The following ZNF704 variants were observed in gnomAD, a reference collection of about 807,000 sequenced individuals.
ZNF704 encodes zinc finger protein 704, also known as glucocorticoid induced gene 1.
ZNF704 carries 10 observed loss-of-function variants against 44.7 expected under a neutral mutation model. The observed-to-expected ratio is 0.22, with a 90% CI of 0.14 to 0.38. The LOEUF is 0.38. ZNF704 is among the 10% of genes least tolerant of loss of function. The pLI, the probability that ZNF704 is intolerant of heterozygous loss-of-function variation, is 1.00. For missense variants in ZNF704, 390 were observed against 545.5 expected, an observed-to-expected ratio of 0.71 and a Z score of 2.84; for synonymous variants, 211 against 207.6, an observed-to-expected ratio of 1.02 and a Z score of -0.14.
chr8:80,727,561 A>G (rs1481159449), intron 2 of ZNF704, among the ~76,000 whole-genome samples: 1 of 151,970 alleles, frequency 6.6e-6, no homozygotes, highest in Non-Finnish European at 1.5e-5. Context: ...TTCATCATGC[A>G]GTGGCTCTTG....
intron 1 of ZNF704, among the ~76,000 whole-genome samples, chr8:80,865,222 T>C (rs1347565123): frequency 6.6e-6 from 1 of 152,184 alleles, no homozygotes; most frequent in Non-Finnish European, 1.5e-5. Context: ...CCATGTCTAA[T>C]TTCAGGAGGT....
chr8:80,670,424 G>A, intron 5 of ZNF704, 79 bp downstream of exon 5: 1 of 999,670 alleles, frequency 1.0e-6, no homozygotes, highest in South Asian at 1.3e-5. Context: ...AAGGCACAGT[G>A]TGGTGTGCAA....
chr8:80,712,602 C>T (rs1819004202), intron 2 of ZNF704, among the ~76,000 whole-genome samples: 1 of 151,934 alleles, frequency 6.6e-6, no homozygotes, highest in Non-Finnish European at 1.5e-5. Context: ...ATGTTTGGAT[C>T]TGTTGATGAT....
At position 80,639,668 on chromosome 8, in the gene ZNF704, A is replaced by C. The variant is rs373118049; in HGVS notation, c.*1698T>G. On this transcript the variant is annotated 3_prime_UTR_variant, in exon 9 of 9. Transcript: ENST00000327835. ...AGTCCCATAATATGTGAATGCACAGATTGTGGATGTTGCACTGTAGAACCT... is the reference window on the plus strand; with the variant it reads ...AGTCCCATAATATGTGAATGCACAGCTTGTGGATGTTGCACTGTAGAACCT... 2.2e-4 allele frequency: 33 copies of C among 152,710 alleles called. No individual in the cohort carries two copies. The highest frequency in any genetic ancestry group is 7.9e-4 in the African/African-American group (33 of 41,582). The allele number at this position is 152,710 out of a possible 1,614,324, so 9.5% of individuals were successfully genotyped here.
At chr8:80,801,829 T>A (rs1309879205) in intron 2 of ZNF704, among the ~76,000 whole-genome samples, 1 of 151,816 alleles carries the variant, frequency 6.6e-6, no homozygotes, top group Admixed American at 6.6e-5. Context: ...AGATCAGAGT[T>A]GAACTGAAGG....
chr8:80,658,366 G>C lies in ZNF704; in HGVS notation c.1032+1219C>G, dbSNP rs563904674. On this transcript the variant is annotated intron_variant, in intron 7 of 8. Coordinates refer to ENST00000327835, the MANE Select transcript of ZNF704 (RefSeq NM_001033723.3). ...CAAAAATGTATCAAGAGCCACTCTGGGTCTTTTTATGTCTACCAAAAAAAA... is the reference window on the plus strand; with the variant it reads ...CAAAAATGTATCAAGAGCCACTCTGCGTCTTTTTATGTCTACCAAAAAAAA... 6.0e-5 allele frequency among the ~76,000 whole-genome samples: 9 copies of C among 150,710 alleles called. No homozygotes were observed. In the East Asian group the frequency reaches 1.7e-3, roughly 29 times the overall value.
intron 7 of ZNF704, among the ~76,000 whole-genome samples, chr8:80,653,719 T>C (rs558960943): frequency 2.6e-4 from 40 of 152,332 alleles, no homozygotes; most frequent in African/African-American, 9.6e-4. Context: ...GAACATTCCA[T>C]GCTCATGGAT....
intron 7 of ZNF704, among the ~76,000 whole-genome samples, chr8:80,652,931 C>G (rs1409094240): frequency 6.6e-6 from 1 of 152,162 alleles, no homozygotes; most frequent in East Asian, 1.9e-4. Flanking sequence ...AAAATACTGG[C>G]AAACCAAATC....
At position 80,798,509 on chromosome 8, in the gene ZNF704, C is replaced by T. The variant is rs549624448; in HGVS notation, c.221+22865G>A. On this transcript the variant is annotated intron_variant, in intron 2 of 8. Coordinates refer to ENST00000327835, the MANE Select transcript of ZNF704 (RefSeq NM_001033723.3). ...ACCTCAGGTGATCTGCCCATCTCGG[C>T]CTCCCAAAGTGCTGGGATTATAGGC... is the stretch of plus-strand genomic sequence containing the variant. Among the ~76,000 whole-genome samples, 4 of 152,292 alleles carry T rather than the reference C, an allele frequency of 2.6e-5. No individual in the cohort carries two copies. In the South Asian group the frequency reaches 8.3e-4, roughly 32 times the overall value.
At chr8:80,848,299 A>C (rs77718925) in intron 1 of ZNF704, among the ~76,000 whole-genome samples, 1,797 of 152,304 alleles carry the variant, frequency 0.012, 31 homozygotes, top group African/African-American at 0.041. Context: ...ATGTGGCGAA[A>C]AGTTCTGTGT....
rs190772621 is a variant in ZNF704 at position 80,800,629 on chromosome 8, C to T, written c.221+20745G>A. Reference sequence around the variant, plus strand: ...CAAATGCTGAGGGAATTCATCACCACCAGGCCTGCCTTGCAAGAGCTTCTG... The same window carrying T: ...CAAATGCTGAGGGAATTCATCACCATCAGGCCTGCCTTGCAAGAGCTTCTG... On this transcript the variant is annotated intron_variant, in intron 2 of 8. Coordinates refer to ENST00000327835, the MANE Select transcript of ZNF704 (RefSeq NM_001033723.3). Among the ~76,000 whole-genome samples the T allele has an allele frequency of 5.0e-4, 76 of 152,222 alleles. No homozygotes were observed. The South Asian group carries it at 0.015, about 30-fold the overall frequency.
At chr8:80,699,704 G>A (rs965250619) in intron 2 of ZNF704, among the ~76,000 whole-genome samples, 3 of 152,138 alleles carry the variant, frequency 2.0e-5, no homozygotes, top group African/African-American at 7.2e-5. Context: ...CTGGCCCATG[G>A]TCCACACTTT....
intron 1 of ZNF704, among the ~76,000 whole-genome samples, chr8:80,860,361 G>C (rs1224235690): frequency 1.3e-5 from 2 of 152,186 alleles, no homozygotes; most frequent in Non-Finnish European, 2.9e-5. Flanking sequence ...GTGCCTGACT[G>C]TGAGTCCAGT....
chr8:80,716,296 C>G (rs1239318944), intron 2 of ZNF704, among the ~76,000 whole-genome samples: 1 of 152,170 alleles, frequency 6.6e-6, no homozygotes, highest in Non-Finnish European at 1.5e-5. Flanking sequence ...GCTCACAGGT[C>G]AAGAAACATT....
At chr8:80,818,714 T>C (rs996330772) in intron 2 of ZNF704, among the ~76,000 whole-genome samples, 1 of 152,202 alleles carries the variant, frequency 6.6e-6, no homozygotes, top group Non-Finnish European at 1.5e-5. Flanking sequence ...TATATAGATT[T>C]CCTTGTATTG....
Position 80,827,627 on chromosome 8 carries a change from CA to C in ZNF704, c.-21-6013del, listed in dbSNP as rs542958344. 2.6e-3 allele frequency among the ~76,000 whole-genome samples: 399 copies of C among 152,220 alleles called. 2 individuals are homozygous for C. Among genetic ancestry groups the C allele is most frequent in the African/African-American group, 9.0e-3 (373 of 41,540 alleles). On this transcript the variant is annotated intron_variant, in intron 1 of 8. Transcript: ENST00000327835. ...CCACATTGCCAAGTCAATCCTAAGC[CA>C]AAAGAACAAGGCTGGAGGCATCACG...
At chr8:80,817,443 T>C (rs1021043949) in intron 2 of ZNF704, among the ~76,000 whole-genome samples, 20 of 152,144 alleles carry the variant, frequency 1.3e-4, no homozygotes, top group African/African-American at 4.8e-4. Context: ...CCTCCAACTT[T>C]CCTGCCCTCT....
intron 2 of ZNF704, among the ~76,000 whole-genome samples, chr8:80,728,164 A>G (rs1806516913): frequency 6.6e-6 from 1 of 152,182 alleles, no homozygotes; most frequent in Non-Finnish European, 1.5e-5. Flanking sequence ...TATCTAATTT[A>G]ATCCAAATTA....
At chr8:80,879,797 G>A in the ZNF704 span, among the ~76,000 whole-genome samples, 1 of 152,052 alleles carries the variant, frequency 6.6e-6, no homozygotes, top group African/African-American at 2.4e-5. Flanking sequence ...TCTAAGATGT[G>A]TAATTATTTC....
Sources: gnomAD v4.1 joint callset for allele counts (sites outside exome capture counted in the v4.1 genomes callset) on GRCh38, gnomAD v4.1.1 for gene constraint, MANE v1.5 for transcripts, NCBI Gene and HGNC (gene_info 2026-07-23, HGNC 2026-07-21) for gene names.